IL33: variants seen among roughly 807,000 people sequenced by gnomAD.
IL33 encodes the protein interleukin 33.
Under a neutral mutation model 27.3 loss-of-function variants are expected in IL33, and 37 were observed. The observed-to-expected ratio is 1.36, with a 90% CI of 1.04 to 1.78. The LOEUF (loss-of-function observed/expected upper bound fraction) is 1.78, where lower values mean the gene tolerates loss of function less well. IL33 is among the 40% of genes most tolerant of loss of function. The pLI is 0.00. For missense variants in IL33, 406 were observed against 311.4 expected (o/e 1.30, Z -2.29); for synonymous variants, 132 against 102.9 (o/e 1.28, Z -1.71).
At chr9:6,249,695 G>T (rs1346991566) in intron 2 of IL33, among the ~76,000 whole-genome samples, 1 of 152,166 alleles carries the variant, frequency 6.6e-6, no homozygotes, top group African/African-American at 2.4e-5. Context: ...TTTGATTTTA[G>T]GCACACTTCA....
chr9:6,249,629 T>C (rs1049538844), intron 2 of IL33, among the ~76,000 whole-genome samples: 2 of 152,200 alleles, frequency 1.3e-5, no homozygotes, highest in African/African-American at 2.4e-5. Flanking sequence ...GTCCCTCAAA[T>C]TGTAGTGTAG....
At chr9:6,221,463 A>G (rs181919094) in intron 1 of IL33, among the ~76,000 whole-genome samples, 12 of 152,366 alleles carry the variant, frequency 7.9e-5, no homozygotes, top group Admixed American at 2.6e-4. Flanking sequence ...ATTTCTGCTC[A>G]GTGCTATAAG....
chr9:6,228,076 A>G (rs1818729893), intron 1 of IL33, among the ~76,000 whole-genome samples: 1 of 152,224 alleles, frequency 6.6e-6, no homozygotes, highest in Non-Finnish European at 1.5e-5. Context: ...GATTGCTGTA[A>G]TAATTGAATA....
rs1186876016 is a variant in IL33, at chr9:6,251,132, G to A, written c.218-8G>A. 1.9e-6 allele frequency: 3 copies of A among 1,613,206 alleles called. No homozygotes were observed. The South Asian group carries it at 3.3e-5, about 18-fold the overall frequency. ...GATGGTCTATCCCTAATCCCATCCG[G>A]TCTGCAGGTAGAAAGCACAAAAGAC... is the stretch of plus-strand genomic sequence containing the variant. On this transcript the variant is annotated splice_region_variant and splice_polypyrimidine_tract_variant and intron_variant, in intron 3 of 7. Transcript: ENST00000682010.
Position 6,235,632 on chromosome 9 carries a change from C to T in IL33, c.-11-6052C>T, listed in dbSNP as rs576978837. Among the ~76,000 whole-genome samples the T allele has an allele frequency of 3.3e-5, 5 of 152,156 alleles. No individual in the cohort carries two copies. The South Asian group carries it at 1.0e-3, about 32-fold the overall frequency. ...TGTAACACAAATCACAGACAAGGGT[C>T]TAATTTCTTAGTTTAGGTAGAGTCC... On this transcript the variant is annotated intron_variant, in intron 1 of 7. Coordinates refer to ENST00000682010, the MANE Select transcript of IL33 (RefSeq NM_033439.4).
intron 1 of IL33, among the ~76,000 whole-genome samples, chr9:6,220,677 T>C (rs1230651034): frequency 6.6e-6 from 1 of 152,202 alleles, no homozygotes; most frequent in East Asian, 1.9e-4. Flanking sequence ...TTTGTCCACA[T>C]TCTTTAGCAA....
intron 2 of IL33, among the ~76,000 whole-genome samples, chr9:6,246,001 T>TGCA (rs1819820573): frequency 8.0e-6 from 1 of 124,972 alleles, no homozygotes; most frequent in Middle Eastern, 6.8e-3. Flanking sequence ...AGGCAGAGCT[T>TGCA]GCAGTGAGCC....
intron 5 of IL33, among the ~76,000 whole-genome samples, 156 bp from the exon 6 acceptor site, chr9:6,253,396 C>T (rs377217451): frequency 7.2e-5 from 11 of 152,078 alleles, no homozygotes; most frequent in Admixed American, 3.3e-4. Flanking sequence ...AGAGCATATT[C>T]GTGCATTTTT....
At chr9:6,224,198 C>T (rs1181864894) in intron 1 of IL33, among the ~76,000 whole-genome samples, 2 of 152,122 alleles carry the variant, frequency 1.3e-5, no homozygotes, top group Non-Finnish European at 2.9e-5. Context: ...CTCCCAGAAC[C>T]AATTCCAGTA....
At chr9:6,241,897 A>G in intron 2 of IL33, 112 bp downstream of exon 2, 3 of 750,054 alleles carry the variant, frequency 4.0e-6, no homozygotes, top group Non-Finnish European at 6.4e-6. Context: ...TAAGAATACA[A>G]GAACTAAAAT....
intron 1 of IL33, among the ~76,000 whole-genome samples, chr9:6,236,517 C>T (rs564485453): frequency 2.0e-5 from 3 of 152,106 alleles, no homozygotes; most frequent in Admixed American, 6.5e-5. Context: ...CTGCCTAGAG[C>T]CTATATTGCA....
At chr9:6,228,753 C>CTGAG (rs2130167102) in intron 1 of IL33, among the ~76,000 whole-genome samples, 1 of 151,512 alleles carries the variant, frequency 6.6e-6, no homozygotes, top group South Asian at 2.1e-4. Flanking sequence ...TACTTGAAGA[C>CTGAG]TGAGGCAGGA....
chr9:6,252,776 C>G, intron 4 of IL33, 90 bp from the exon 5 acceptor site: 8 of 1,511,042 alleles, frequency 5.3e-6, no homozygotes, highest in Non-Finnish European at 7.2e-6. Context: ...AAATGCAACT[C>G]AAATTGCAAA....
chr9:6,233,164 C>G (rs1053561821), intron 1 of IL33, among the ~76,000 whole-genome samples: 1 of 152,120 alleles, frequency 6.6e-6, no homozygotes, highest in Non-Finnish European at 1.5e-5. Flanking sequence ...CACCACATTC[C>G]AAAGTTAATT....
intron 1 of IL33, 54 bp downstream of exon 1, chr9:6,215,906 T>C (rs944711419): frequency 4.7e-5 from 7 of 150,088 alleles, no homozygotes; most frequent in Non-Finnish European, 8.9e-5. Flanking sequence ...AGTTAAACCT[T>C]GGGAACCATG....
At chr9:6,227,853 G>A (rs182958531) in intron 1 of IL33, among the ~76,000 whole-genome samples, 1 of 152,204 alleles carries the variant, frequency 6.6e-6, no homozygotes, top group East Asian at 1.9e-4. Flanking sequence ...AACTTTCTAG[G>A]TAGGGGTTTT....
rs1278048590 is a variant in IL33 at position 6,252,986 on chromosome 9, A to C, written c.464A>C (p.Lys155Thr). 6.6e-7 allele frequency: 1 copy of C among 1,513,806 alleles called. No individual in the cohort carries two copies. Among genetic ancestry groups the C allele is most frequent in the Non-Finnish European group, 9.0e-7 (1 of 1,112,416 alleles). The allele number at this position is 1,513,806 out of a possible 1,614,324, so 93.8% of individuals were successfully genotyped here. A position where few individuals can be genotyped will look rare whatever the true frequency, so the allele number is the denominator to read the frequency against. The change falls in exon 5 of 8, where the codon AAG becomes ACG. Residue 155 changes from lysine (K) to threonine (T), a missense_variant. By Grantham distance (78) the Lys-to-Thr change is moderately conservative. Transcript: ENST00000682010. ...IYVEDLKKDE[K>T]KDKVLLSYYE... Reference sequence around the variant, plus strand: ...GTTGAAGACTTGAAAAAAGATGAAAAGAAAGGTAGATTATTTTCTTTTTCT... The same window carrying C: ...GTTGAAGACTTGAAAAAAGATGAAACGAAAGGTAGATTATTTTCTTTTTCT...
chr9:6,216,428 G>C (rs934663568), intron 1 of IL33, among the ~76,000 whole-genome samples: 2 of 152,178 alleles, frequency 1.3e-5, no homozygotes, highest in African/African-American at 4.8e-5. Flanking sequence ...TTGTTTACAA[G>C]TGGTTTTCAG....
intron 1 of IL33, among the ~76,000 whole-genome samples, chr9:6,237,501 T>C (rs1262143536): frequency 6.6e-6 from 1 of 152,228 alleles, no homozygotes; most frequent in Non-Finnish European, 1.5e-5. Context: ...AAGCCAATAC[T>C]GGTTTACAGC....
Sources: gnomAD v4.1 joint callset for allele counts (sites outside exome capture counted in the v4.1 genomes callset) on GRCh38, gnomAD v4.1.1 for gene constraint, MANE v1.5 for transcripts, NCBI Gene and HGNC (gene_info 2026-07-23, HGNC 2026-07-21) for gene names.